CCS: variants seen among roughly 807,000 people sequenced by gnomAD.
The protein encoded by CCS is superoxide dismutase copper chaperone.
CCS carries 32 observed loss-of-function variants against 35.5 expected under a neutral mutation model. The ratio of observed to expected loss-of-function variants is 0.90; its 90% CI spans 0.68 to 1.21. The LOEUF (loss-of-function observed/expected upper bound fraction) is 1.21. Among genes scored for constraint, CCS ranks in the 50% most tolerant of loss-of-function variants. The pLI is 0.00. For missense variants in CCS, 342 were observed against 375.4 expected, an observed-to-expected ratio of 0.91 and a Z score of 0.73; for synonymous variants, 130 against 147.2, an observed-to-expected ratio of 0.88 and a Z score of 0.84.
Position 66,596,826 on chromosome 11 carries a change from G to T in CCS, c.113-2290G>T, listed in dbSNP as rs756441699. Among the ~76,000 whole-genome samples the T allele has an allele frequency of 2.0e-5, 3 of 152,190 alleles. No homozygotes were observed. In the South Asian group the frequency reaches 6.2e-4, roughly 32 times the overall value. On this transcript the variant is annotated intron_variant, in intron 2 of 7. Transcript: ENST00000533244. ...GTGAGCTGCTACAGGACCACAAGGG[G>T]TGTGGTCCTAACCCAGCTTGGAGCC... is the stretch of plus-strand genomic sequence containing the variant.
chr11:66,605,065 C>A, intron 5 of CCS: 1 of 1,367,238 alleles, frequency 7.3e-7, no homozygotes, highest in South Asian at 1.4e-5. Flanking sequence ...TGGCTCTTTT[C>A]AGCCCACTGT....
intron 5 of CCS, 63 bp from the exon 6 acceptor site, chr11:66,605,274 CAG>C: frequency 6.2e-7 from 1 of 1,604,224 alleles, no homozygotes; most frequent in Non-Finnish European, 8.5e-7. Context: ...ATCAGGAAAT[CAG>C]AAGATAGCAG....
chr11:66,596,792 A>G (rs192745851), intron 2 of CCS, among the ~76,000 whole-genome samples: 2 of 152,254 alleles, frequency 1.3e-5, no homozygotes, highest in Admixed American at 1.3e-4. Flanking sequence ...GAATTACAGG[A>G]GGGGGAGTGT....
intron 2 of CCS, among the ~76,000 whole-genome samples, chr11:66,597,044 G>A (rs942038818): frequency 6.6e-6 from 1 of 152,186 alleles, no homozygotes; most frequent in Non-Finnish European, 1.5e-5. Flanking sequence ...GGCTTAGTAG[G>A]AGTACCAAAT....
intron 2 of CCS, among the ~76,000 whole-genome samples, chr11:66,598,308 C>G (rs1858512798): frequency 6.6e-6 from 1 of 150,998 alleles, no homozygotes; most frequent in African/African-American, 2.4e-5. Flanking sequence ...TCGAGAGCAG[C>G]CTGGCCAACA....
chr11:66,593,439 G>C, intron 1 of CCS, 139 bp downstream of exon 1: 1 of 1,023,086 alleles, frequency 9.8e-7, no homozygotes, highest in South Asian at 1.6e-5. Context: ...GGGTGCGAGG[G>C]TAGCAGGGGC....
Position 66,605,779 on chromosome 11 carries a change from C to A in CCS, c.749C>A (p.Thr250Asn). The A allele has an allele frequency of 6.2e-7, 1 of 1,607,930 alleles. No individual in the cohort carries two copies. Residue 250 changes from threonine to asparagine, a missense_variant, in exon 8 of 8, where the codon ACC becomes AAC. Physicochemically the swap from Thr to Asn is moderately conservative, Grantham distance 65 (BLOSUM62 0). Coordinates refer to ENST00000533244, the MANE Select transcript of CCS (RefSeq NM_005125.2). ...CAGATCTGCTCTTGCGATGGCCTCA[C>A]CATCTGGGAGGAGCGAGGCCGGCCC... is the stretch of plus-strand genomic sequence containing the variant. Reference protein sequence around the residue: ...PKQICSCDGLTIWEERGRPIA... With the variant: ...PKQICSCDGLNIWEERGRPIA...
In CCS at chr11:66,599,481, C is replaced by T; in HGVS notation, c.273C>T (p.Ala91=). The T allele has an allele frequency of 1.3e-6, 2 of 1,542,518 alleles. No individual in the cohort carries two copies. The highest frequency in any genetic ancestry group is 1.7e-6 in the Non-Finnish European group (2 of 1,148,754). ...CAGAGAATCTGGGGGCAGCAGTGGCCATCCTGGGGGGGCCTGGCACCGTGC... is the reference window on the plus strand; with the variant it reads ...CAGAGAATCTGGGGGCAGCAGTGGCTATCCTGGGGGGGCCTGGCACCGTGC... ...GQLQNLGAAV[A]ILGGPGTVQG... is the part of the protein sequence containing the mutation. The change falls in exon 4 of 8, where the codon GCC becomes GCT. Residue 91 remains alanine, a synonymous_variant. Coordinates refer to ENST00000533244, the MANE Select transcript of CCS (RefSeq NM_005125.2).
Position 66,605,547 on chromosome 11 carries a change from G to C in CCS, c.626G>C (p.Arg209Pro). The change falls in exon 7 of 8, where the codon CGG becomes CCG. Residue 209 changes from arginine (R) to proline (P), a missense_variant. By Grantham distance (103) the Arg-to-Pro change is moderately radical. Coordinates refer to ENST00000533244, the MANE Select transcript of CCS (RefSeq NM_005125.2). ...GATGAGGGAGAAGATGACCTGGGCC[G>C]GGGAGGCCATCCCTTATCCAAGATC... is the stretch of plus-strand genomic sequence containing the variant. ...IIDEGEDDLGRGGHPLSKITG... is the reference protein window; with the variant it reads ...IIDEGEDDLGPGGHPLSKITG... 1.2e-6 allele frequency: 2 copies of C among 1,613,604 alleles called. No homozygotes were observed. The highest frequency in any genetic ancestry group is 1.6e-4 in the Middle Eastern group (1 of 6,062).
In CCS at chr11:66,599,222, G is replaced by A. The variant is rs750621987; in HGVS notation, c.219G>A (p.Ala73=). ...QALLEGTGRQ[A]VLKGMGSGQL... Reference sequence around the variant, plus strand: ...TCCTGGAAGGCACGGGGCGGCAGGCGGTACTCAAGGGCATGGGCAGCGGCC... The same window carrying A: ...TCCTGGAAGGCACGGGGCGGCAGGCAGTACTCAAGGGCATGGGCAGCGGCC... Residue 73 remains alanine (A), a synonymous_variant, in exon 3 of 8, where the codon GCG becomes GCA. Transcript: ENST00000533244. 13 of 1,611,594 alleles carry A rather than the reference G, an allele frequency of 8.1e-6. No individual in the cohort carries two copies. The African/African-American group carries it at 1.1e-4, about 13-fold the overall frequency.
intron 5 of CCS, among the ~76,000 whole-genome samples, chr11:66,602,178 T>A (rs1858582021): frequency 6.6e-6 from 1 of 152,176 alleles, no homozygotes; most frequent in African/African-American, 2.4e-5. Context: ...GACTCCAAAG[T>A]TAGGAGTTTA....
At chr11:66,600,343 C>T (rs1171970816) in intron 4 of CCS, 146 bp from the exon 5 acceptor site, 2 of 458,336 alleles carry the variant, frequency 4.4e-6, no homozygotes, top group Non-Finnish European at 7.7e-6. Context: ...CTTCTCGGTG[C>T]CCTCTACCCA....
At position 66,599,251 on chromosome 11, in the gene CCS, T is replaced by C. The variant is rs1021695433; in HGVS notation, c.248T>C (p.Leu83Ser). The change falls in exon 3 of 8, where the codon TTG becomes TCG. Residue 83 changes from leucine (L) to serine (S), a missense_variant and splice_region_variant. By Grantham distance (145) the Leu-to-Ser change is moderately radical. Coordinates refer to ENST00000533244, the MANE Select transcript of CCS (RefSeq NM_005125.2). ...CTCAAGGGCATGGGCAGCGGCCAGT[T>C]GCGTGAGTGACCACTGTGGCCTTGG... ...AVLKGMGSGQ[L>S]QNLGAAVAIL... The C allele has an allele frequency of 1.3e-6, 2 of 1,596,886 alleles. No individual in the cohort carries two copies. The highest frequency in any genetic ancestry group is 1.4e-5 in the African/African-American group (1 of 74,060).
intron 2 of CCS, 53 bp from the exon 3 acceptor site, chr11:66,599,063 T>C: frequency 1.9e-6 from 3 of 1,611,352 alleles, no homozygotes; most frequent in Admixed American, 1.7e-5. Context: ...TGTTCCCTGC[T>C]GCCAGCACTG....
rs1258482576 is a variant in CCS at position 66,603,646 on chromosome 11, A to G, written c.490-1693A>G. ...CAGATCACAAGGTCAGGAGATCGAG[A>G]CCATCCTGGTTAACATTGTGAAACC... On this transcript the variant is annotated intron_variant, in intron 5 of 7. Coordinates refer to ENST00000533244, the MANE Select transcript of CCS (RefSeq NM_005125.2). Among the ~76,000 whole-genome samples, 5 of 152,196 alleles carry G rather than the reference A, an allele frequency of 3.3e-5. No homozygotes were observed. In the South Asian group the frequency reaches 1.0e-3, roughly 32 times the overall value.
chr11:66,605,314 A>G (rs1288672788), intron 5 of CCS, 25 bp from the exon 6 acceptor site: 2 of 1,613,918 alleles, frequency 1.2e-6, no homozygotes, highest in Admixed American at 1.7e-5. Flanking sequence ...CACATCCCCT[A>G]TACACACACT....
At chr11:66,599,014 T>G in intron 2 of CCS, 102 bp from the exon 3 acceptor site, 1 of 1,446,746 alleles carries the variant, frequency 6.9e-7, no homozygotes. Flanking sequence ...CATGGGAAGT[T>G]TGGTGGAAAT....
intron 2 of CCS, among the ~76,000 whole-genome samples, chr11:66,596,701 AC>A (rs1858483190): frequency 6.6e-6 from 1 of 152,064 alleles, no homozygotes. Context: ...TTTGAACTTG[AC>A]CCTTGTGGAC....
chr11:66,598,331 A>G (rs565558869), intron 2 of CCS, among the ~76,000 whole-genome samples: 15 of 150,248 alleles, frequency 1.0e-4, no homozygotes, highest in African/African-American at 3.4e-4. Context: ...GTGAAACCCC[A>G]TGTCTACTAA....
Sources: gnomAD v4.1 joint callset for allele counts (sites outside exome capture counted in the v4.1 genomes callset) on GRCh38, gnomAD v4.1.1 for gene constraint, MANE v1.5 for transcripts, NCBI Gene and HGNC (gene_info 2026-07-23, HGNC 2026-07-21) for gene names.